The following ENPEP variants were observed in gnomAD, a reference collection of about 807,000 sequenced individuals.
ENPEP encodes glutamyl aminopeptidase, also known as AP-A.
A neutral mutation model predicts 114.5 loss-of-function variants in ENPEP; 103 were observed. That is an observed-to-expected ratio of 0.90 (90% CI 0.77 to 1.06). The LOEUF (loss-of-function observed/expected upper bound fraction) is 1.06, where lower values mean the gene tolerates loss of function less well. ENPEP is among the 50% of genes least tolerant of loss of function. ENPEP has a pLI of 0.00. For synonymous variants in ENPEP, 420 were observed against 422.0 expected, an observed-to-expected ratio of 1.00 and a Z score of 0.06; for missense variants, 1,196 against 1,161.3, an observed-to-expected ratio of 1.03 and a Z score of -0.43.
At chr4:110,542,659 CTTTTATTTTCTTTTT>C in intron 11 of ENPEP, 77 bp from the exon 12 acceptor site, 1 of 1,275,766 alleles carries the variant, frequency 7.8e-7, no homozygotes, top group Non-Finnish European at 1.1e-6. Context: ...TATTTCTTTT[CTTTTATTTTCTTTTT>C]GCCCTCTGGG....
In ENPEP at chr4:110,563,817, A is replaced by C. The variant is rs1162325634; in HGVS notation, c.*2259A>C. The C allele has an allele frequency of 6.6e-6, 1 of 152,188 alleles. No individual in the cohort carries two copies. The highest frequency in any genetic ancestry group is 2.4e-5 in the African/African-American group (1 of 41,440). The allele number at this position is 152,188 out of a possible 1,614,324, so 9.4% of individuals were successfully genotyped here. Reference sequence around the variant, plus strand: ...TGTACCCACATAATTATAAATTAGGAGTTTAAATAATAAAACATAGACGTA... The same window carrying C: ...TGTACCCACATAATTATAAATTAGGCGTTTAAATAATAAAACATAGACGTA... On this transcript the variant is annotated 3_prime_UTR_variant, in exon 20 of 20. Transcript: ENST00000265162.
chr4:110,510,160 G>A (rs186715355), intron 5 of ENPEP, 85 bp from the exon 6 acceptor site: 49 of 1,129,654 alleles, frequency 4.3e-5, no homozygotes, highest in African/African-American at 7.7e-5. Context: ...ACATTGGCAC[G>A]GACAAATAAA....
At position 110,562,569 on chromosome 4, in the gene ENPEP, C is replaced by T. The variant is rs1727714746; in HGVS notation, c.*1011C>T. The T allele has an allele frequency of 6.6e-6, 1 of 152,174 alleles. No homozygotes were observed. Among genetic ancestry groups the T allele is most frequent in the Non-Finnish European group, 1.5e-5 (1 of 67,996 alleles). 9.4% of individuals were successfully genotyped at this position (152,174 alleles called of 1,614,324 possible). ...ACCTGTGGGCATCCCCAGCATGACT[C>T]TGCATATCTGAGCATATATCTCCTT... On this transcript the variant is annotated 3_prime_UTR_variant, in exon 20 of 20. Transcript: ENST00000265162.
chr4:110,505,349 A>T (rs1186064209), intron 3 of ENPEP, among the ~76,000 whole-genome samples: 1 of 152,050 alleles, frequency 6.6e-6, no homozygotes, highest in Non-Finnish European at 1.5e-5. Context: ...GAGATGATTG[A>T]GTGAGTTGTG....
At chr4:110,513,385 A>G (rs55950071) in intron 6 of ENPEP, 30 bp from the exon 7 acceptor site, 20 of 1,604,424 alleles carry the variant, frequency 1.2e-5, no homozygotes, top group Admixed American at 1.7e-5. Flanking sequence ...AGGAAATACT[A>G]TATTCCTTTG....
intron 10 of ENPEP, among the ~76,000 whole-genome samples, chr4:110,530,736 T>C (rs949281240): frequency 1.6e-4 from 24 of 152,174 alleles, no homozygotes; most frequent in African/African-American, 5.6e-4. Flanking sequence ...TGGTAGACTT[T>C]CAGCATAATT....
intron 11 of ENPEP, among the ~76,000 whole-genome samples, chr4:110,542,219 G>T (rs959889319): frequency 6.6e-6 from 1 of 152,092 alleles, no homozygotes. Context: ...TTTTAAAAGT[G>T]TTGCTGATTA....
In ENPEP at chr4:110,520,336, C is replaced by A; in HGVS notation, c.1697C>A (p.Ala566Asp). Residue 566 changes from alanine to aspartate, a missense_variant, in exon 10 of 20, where the codon GCT becomes GAT. Ala to Asp is a moderately radical substitution (Grantham distance 126). Transcript: ENST00000265162. The part of the protein sequence containing the change: ...TQKRFLLDPR[A>D]NPSQPPSDLG... ...AAACGCTTTTTGTTGGACCCAAGAGCTAACCCTTCTCAGCCCCCTTCAGAT... is the reference window on the plus strand; with the variant it reads ...AAACGCTTTTTGTTGGACCCAAGAGATAACCCTTCTCAGCCCCCTTCAGAT... 2 of 1,614,038 alleles carry A rather than the reference C, an allele frequency of 1.2e-6. No homozygotes were observed. Among genetic ancestry groups the A allele is most frequent in the Non-Finnish European group, 1.7e-6 (2 of 1,179,958 alleles).
chr4:110,501,311 G>C (rs1031637440), intron 3 of ENPEP, among the ~76,000 whole-genome samples: 1 of 151,916 alleles, frequency 6.6e-6, no homozygotes, highest in African/African-American at 2.4e-5. Context: ...TAGGTTCAGG[G>C]GTATATGTAC....
chr4:110,484,933 A>G (rs1222363923), intron 1 of ENPEP, among the ~76,000 whole-genome samples: 33 of 135,274 alleles, frequency 2.4e-4, no homozygotes, highest in Non-Finnish European at 4.3e-4. Flanking sequence ...ACGCACGCAC[A>G]CTCACACACA....
intron 11 of ENPEP, among the ~76,000 whole-genome samples, chr4:110,537,662 C>A (rs1726689708): frequency 6.6e-6 from 1 of 152,204 alleles, no homozygotes. Flanking sequence ...TTCTTAATGG[C>A]TTCTAGAATG....
intron 6 of ENPEP, chr4:110,513,164 G>T (rs1725639440): frequency 7.1e-6 from 2 of 283,500 alleles, no homozygotes; most frequent in Non-Finnish European, 1.3e-5. Context: ...CGCAGAAGCA[G>T]AATTCACAGA....
At position 110,542,773 on chromosome 4, in the gene ENPEP, T is replaced by A. The variant is rs1251977467; in HGVS notation, c.1830T>A (p.Asn610Lys). ...EKEGITLNSS[N>K]PSGNAFLKIN... The stretch of plus-strand genomic sequence containing the variant: ...CAGGAATCACTTTGAACTCCTCTAA[T>A]CCTAGTGGAAATGCTTTTCTCAAAA... The change falls in exon 12 of 20, where the codon AAT becomes AAA. Residue 610 changes from asparagine (N) to lysine (K), a missense_variant. Physicochemically the swap from Asn to Lys is moderately conservative, Grantham distance 94. Coordinates refer to ENST00000265162, the MANE Select transcript of ENPEP (RefSeq NM_001977.4). 1 of 1,612,540 alleles carries A rather than the reference T, an allele frequency of 6.2e-7. No individual in the cohort carries two copies. The highest frequency in any genetic ancestry group is 8.5e-7 in the Non-Finnish European group (1 of 1,178,896).
chr4:110,516,851 G>C (rs1232955638), intron 8 of ENPEP, among the ~76,000 whole-genome samples: 2 of 152,186 alleles, frequency 1.3e-5, no homozygotes, highest in Admixed American at 6.5e-5. Context: ...GAAGCTATGT[G>C]CTTGTGCTTC....
intron 3 of ENPEP, among the ~76,000 whole-genome samples, chr4:110,503,304 C>A (rs1168265531): frequency 6.6e-6 from 1 of 152,136 alleles, no homozygotes; most frequent in Non-Finnish European, 1.5e-5. Context: ...GAGATTCTTT[C>A]TTCAGCTTGG....
At chr4:110,541,850 AG>A (rs1726858677) in intron 11 of ENPEP, among the ~76,000 whole-genome samples, 1 of 152,138 alleles carries the variant, frequency 6.6e-6, no homozygotes, top group East Asian at 1.9e-4. Flanking sequence ...TAAACAAAAG[AG>A]TGTATGATGT....
chr4:110,537,034 T>G (rs1233318275), intron 11 of ENPEP, among the ~76,000 whole-genome samples: 1 of 152,216 alleles, frequency 6.6e-6, no homozygotes, highest in Non-Finnish European at 1.5e-5. Context: ...CTAAAATAAT[T>G]TATTGCTAAA....
rs1724101490 is a variant in ENPEP, at chr4:110,476,464, A to G, written c.50A>G (p.Lys17Arg). 6.4e-7 allele frequency: 1 copy of G among 1,551,190 alleles called. No individual in the cohort carries two copies. Among genetic ancestry groups the G allele is most frequent in the South Asian group, 1.2e-5 (1 of 81,154 alleles). The change falls in exon 1 of 20, where the codon AAA becomes AGA. Residue 17 changes from lysine to arginine, a missense_variant. Physicochemically the swap from Lys to Arg is conservative, Grantham distance 26. Coordinates refer to ENST00000265162, the MANE Select transcript of ENPEP (RefSeq NM_001977.4). ...TCTAAGAGATACTGCATTCAAACGA[A>G]ACATGTGGCCATTCTCTGTGCGGTG... ...EGSKRYCIQT[K>R]HVAILCAVVV... is the part of the protein sequence containing the mutation.
rs745497811 is a variant in ENPEP at position 110,476,559 on chromosome 4, G to C, written c.145G>C (p.Gly49Arg). 2 of 1,612,948 alleles carry C rather than the reference G, an allele frequency of 1.2e-6. No homozygotes were observed. The highest frequency in any genetic ancestry group is 1.7e-6 in the Non-Finnish European group (2 of 1,179,188). ...LTRSCDSSGDGGPGTAPAPSH... is the reference protein window; with the variant it reads ...LTRSCDSSGDRGPGTAPAPSH... ...CAGATCGTGTGACTCCAGCGGGGAC[G>C]GCGGGCCGGGCACTGCGCCAGCTCC... Residue 49 changes from glycine (G) to arginine (R), a missense_variant, in exon 1 of 20, where the codon GGC (glycine) becomes CGC (arginine). Gly to Arg is a moderately radical substitution (Grantham distance 125). Transcript: ENST00000265162.
Sources: gnomAD v4.1 joint callset for allele counts (sites outside exome capture counted in the v4.1 genomes callset) on GRCh38, gnomAD v4.1.1 for gene constraint, MANE v1.5 for transcripts, NCBI Gene and HGNC (gene_info 2026-07-23, HGNC 2026-07-21) for gene names.